Variants in NME9 observed in about 807,000 individuals in gnomAD.
The protein encoded by NME9 is thioredoxin domain-containing protein 6.
NME9 carries 48 observed loss-of-function variants against 44.4 expected under a neutral mutation model. The observed-to-expected ratio is 1.08, with a 90% CI of 0.86 to 1.37. The LOEUF (loss-of-function observed/expected upper bound fraction) is 1.37. NME9 is among the 40% of genes most tolerant of loss of function. The pLI is 0.00. For synonymous variants in NME9, 139 were observed against 147.1 expected (o/e 0.94, Z 0.40); for missense variants, 325 against 405.2 (o/e 0.80, Z 1.70).
At chr3:138,316,098 T>C (rs1260003748) in intron 4 of NME9, among the ~76,000 whole-genome samples, 1 of 152,096 alleles carries the variant, frequency 6.6e-6, no homozygotes, top group African/African-American at 2.4e-5. Flanking sequence ...TCCCAAAGCG[T>C]TGGGATTACA....
At chr3:138,324,807 G>A (rs2053679092) in intron 2 of NME9, 66 bp downstream of exon 2, 11 of 1,274,210 alleles carry the variant, frequency 8.6e-6, no homozygotes, top group South Asian at 1.2e-5. Context: ...TTCTCTTCAT[G>A]GTTCATCACA....
intron 8 of NME9, among the ~76,000 whole-genome samples, chr3:138,279,088 G>A (rs1236722186): frequency 2.0e-5 from 3 of 152,122 alleles, no homozygotes; most frequent in East Asian, 1.9e-4. Flanking sequence ...TATTTGTTTT[G>A]TTCCCAATAT....
intron 9 of NME9, 117 bp from the exon 10 acceptor site, chr3:138,303,760 A>T: frequency 3.4e-6 from 3 of 873,796 alleles, no homozygotes; most frequent in Non-Finnish European, 5.3e-6. Flanking sequence ...TGTGAAATTG[A>T]TTTCTCTGCA....
chr3:138,288,995 C>T, intron 8 of NME9: 1 of 1,492,352 alleles, frequency 6.7e-7, no homozygotes, highest in Non-Finnish European at 9.2e-7. Flanking sequence ...AAAAAAAAAT[C>T]TAAAATGAGA....
At chr3:138,266,796 G>C (rs972489570) in intron 8 of NME9, among the ~76,000 whole-genome samples, 7 of 152,114 alleles carry the variant, frequency 4.6e-5, no homozygotes, top group African/African-American at 1.7e-4. Context: ...CCATTCTGTA[G>C]ACTCATAAGG....
intron 8 of NME9, among the ~76,000 whole-genome samples, chr3:138,282,917 T>C (rs1465953899): frequency 6.6e-6 from 1 of 152,206 alleles, no homozygotes. Context: ...GTATTGTTCC[T>C]ACCAAGAAAT....
intron 8 of NME9, chr3:138,263,805 C>T (rs1307854914): frequency 1.9e-6 from 3 of 1,613,780 alleles, no homozygotes; most frequent in Admixed American, 1.7e-5. Context: ...TGTCAAGGTG[C>T]GGTTAGCTGC....
intron 6 of NME9, among the ~76,000 whole-genome samples, chr3:138,312,859 G>A (rs1466142049): frequency 3.3e-5 from 5 of 152,128 alleles, no homozygotes; most frequent in African/African-American, 9.7e-5. Flanking sequence ...CTATCCCTCC[G>A]ACAAGGGATT....
intron 8 of NME9, among the ~76,000 whole-genome samples, chr3:138,264,555 G>T (rs1258298343): frequency 9.3e-5 from 14 of 150,858 alleles, no homozygotes; most frequent in Non-Finnish European, 5.9e-5. Flanking sequence ...TAGTAGCTAG[G>T]ACTACAGGTG....
intron 8 of NME9, among the ~76,000 whole-genome samples, chr3:138,265,848 A>G (rs1220434522): frequency 6.6e-6 from 1 of 152,164 alleles, no homozygotes; most frequent in Non-Finnish European, 1.5e-5. Context: ...AGGTTCATCT[A>G]GTGACAGAGT....
intron 2 of NME9, among the ~76,000 whole-genome samples, chr3:138,321,065 G>A (rs2053434205): frequency 6.6e-6 from 1 of 152,200 alleles, no homozygotes; most frequent in South Asian, 2.1e-4. Flanking sequence ...CAAGAGGGCA[G>A]GTGCACTTTG....
At chr3:138,303,483 A>C (rs770724707) in intron 10 of NME9, 24 bp downstream of exon 10, 1 of 1,592,306 alleles carries the variant, frequency 6.3e-7, no homozygotes, top group Admixed American at 1.7e-5. Flanking sequence ...TTTAATAAAG[A>C]CCAAGTCTGC....
At position 138,307,573 on chromosome 3, in the gene NME9, T is replaced by C. The variant is rs1434028831; in HGVS notation, c.461-1093A>G. Among the ~76,000 whole-genome samples, 11 of 152,248 alleles carry C rather than the reference T, an allele frequency of 7.2e-5. No homozygotes were observed. In the East Asian group the frequency reaches 1.3e-3, roughly 19 times the overall value. On this transcript the variant is annotated intron_variant, in intron 6 of 10. Transcript: ENST00000333911. ...TTTCAAGCAACAAATCTGTTATTTCTTTCTGACATTACTATTTCTAACGTG... is the reference window on the plus strand; with the variant it reads ...TTTCAAGCAACAAATCTGTTATTTCCTTCTGACATTACTATTTCTAACGTG...
At chr3:138,296,551 GAAA>G (rs201583111), downstream of NME9, 2 of 149,706 alleles carry the variant, frequency 1.3e-5, no homozygotes, top group Admixed American at 1.3e-4. Context: ...TAAAAAAAAA[GAAA>G]AAAAAAGAAA....
intron 3 of NME9, 24 bp from the exon 4 acceptor site, chr3:138,318,243 G>T: frequency 1.3e-6 from 2 of 1,546,814 alleles, no homozygotes; most frequent in Non-Finnish European, 1.8e-6. Context: ...CTATCAGCAG[G>T]TACCCTGGAT....
At chr3:138,262,447 C>A in exon 9 of NME9, 1 of 1,401,882 alleles carries the variant, frequency 7.1e-7, no homozygotes, top group Non-Finnish European at 9.9e-7. Flanking sequence ...TTGTTAATTT[C>A]AACAATATTT....
chr3:138,277,927 A>T (rs946904341), intron 8 of NME9, among the ~76,000 whole-genome samples: 4 of 152,238 alleles, frequency 2.6e-5, no homozygotes, highest in Non-Finnish European at 5.9e-5. Flanking sequence ...ATAAAGAGGG[A>T]CAAACTGTTG....
chr3:138,301,308 G>A lies in NME9; in HGVS notation c.*332C>T, dbSNP rs150172159. On this transcript the variant is annotated 3_prime_UTR_variant, in exon 11 of 11. Coordinates refer to ENST00000333911, the MANE Select transcript of NME9 (RefSeq NM_001349018.2). ...CAACCTTCACCTCCCGGGTTCAAGC[G>A]ATTCTCATGCCTAAGCCACCCGAGT... 6,768 of 342,666 alleles carry A rather than the reference G, an allele frequency of 0.02. 109 individuals are homozygous for A. Among genetic ancestry groups the A allele is most frequent in the South Asian group, 0.06 (839 of 14,092 alleles). 21.2% of individuals were successfully genotyped at this position (342,666 alleles called of 1,614,324 possible).
chr3:138,303,864 C>T (rs992063069), intron 9 of NME9, among the ~76,000 whole-genome samples: 2 of 152,166 alleles, frequency 1.3e-5, no homozygotes, highest in African/African-American at 4.8e-5. Flanking sequence ...TTTACCTACA[C>T]GATCCCATTA....
Sources: allele counts gnomAD v4.1 joint callset (sites outside exome capture counted in the v4.1 genomes callset), GRCh38; gene constraint gnomAD v4.1.1; transcripts MANE v1.5; gene names NCBI Gene and HGNC (gene_info 2026-07-23, HGNC 2026-07-21).